ATRX: variants seen among roughly 807,000 people sequenced by gnomAD.
ATRX encodes ATRX chromatin remodeler.
A neutral mutation model predicts 172.6 loss-of-function variants in ATRX; 12 were observed. The ratio of observed to expected loss-of-function variants is 0.07; its 90% confidence interval spans 0.04 to 0.11. The LOEUF is 0.11. Among genes scored for constraint, ATRX ranks in the 10% least tolerant of loss-of-function variants. The probability of loss-of-function intolerance (pLI) is 1.00; values close to 1 mark genes in which losing one functional copy is unlikely to be tolerated. For missense variants in ATRX, 1,368 were observed against 1,767.4 expected (o/e 0.77, Z 4.05); for synonymous variants, 674 against 594.7 (o/e 1.13, Z -1.94).
intron 15 of ATRX, among the ~76,000 whole-genome samples, chrX:77,644,196 C>T (rs1226135773): frequency 1.8e-5 from 2 of 112,581 alleles, no homozygotes; most frequent in Admixed American, 9.4e-5. Flanking sequence ...CCTGCCTTGG[C>T]CTCCCAAAGT....
intron 28 of ATRX, among the ~76,000 whole-genome samples, chrX:77,564,388 A>G (rs1441790912): frequency 1.8e-5 from 2 of 110,265 alleles, no homozygotes; most frequent in South Asian, 7.9e-4. Flanking sequence ...TTTATTTTTA[A>G]AAGCTTGTTT....
At chrX:77,562,775 G>T (rs1414264341) in intron 28 of ATRX, among the ~76,000 whole-genome samples, 1 of 111,731 alleles carries the variant, frequency 9.0e-6, no homozygotes, top group Non-Finnish European at 1.9e-5. Context: ...TTGAACCCAT[G>T]GCCTCAAGTG....
intron 12 of ATRX, among the ~76,000 whole-genome samples, chrX:77,660,362 G>A (rs1180069848): frequency 1.7e-4 from 19 of 110,294 alleles, no homozygotes; most frequent in Admixed American, 1.4e-3. Flanking sequence ...TCAGGAGATC[G>A]AGACCATCCT....
At chrX:77,646,516 C>T (rs1557113741) in intron 15 of ATRX, among the ~76,000 whole-genome samples, 1 of 110,987 alleles carries the variant, frequency 9.0e-6, no homozygotes, top group Non-Finnish European at 1.9e-5. Context: ...TAGGGGAAAA[C>T]TAAAACAAAA....
intron 34 of ATRX, among the ~76,000 whole-genome samples, chrX:77,519,824 G>A (rs2063170039): frequency 1.8e-5 from 2 of 111,478 alleles, no homozygotes; most frequent in South Asian, 3.8e-4. Flanking sequence ...CAAAAGAAAG[G>A]AAATCAGTAT....
intron 27 of ATRX, among the ~76,000 whole-genome samples, chrX:77,577,591 T>TTA (rs1256890795): frequency 2.7e-5 from 3 of 111,289 alleles, no homozygotes; most frequent in Middle Eastern, 4.7e-3. Flanking sequence ...AAATTTTATG[T>TTA]TATATATATA....
At chrX:77,725,742 C>A (rs1463960944) in intron 1 of ATRX, among the ~76,000 whole-genome samples, 2 of 111,947 alleles carry the variant, frequency 1.8e-5, no homozygotes, top group Non-Finnish European at 3.8e-5. Context: ...GGGCTAATAT[C>A]CAGAATCTAC....
At chrX:77,602,110 A>G (rs1198585014) in intron 22 of ATRX, among the ~76,000 whole-genome samples, 3 of 111,863 alleles carry the variant, frequency 2.7e-5, no homozygotes, top group Non-Finnish European at 5.6e-5. Context: ...GGCTCAAGCC[A>G]TCTGCCTGCC....
At chrX:77,778,411 T>C (rs2076432860) in intron 1 of ATRX, among the ~76,000 whole-genome samples, 1 of 100,063 alleles carries the variant, frequency 1.0e-5, no homozygotes, top group African/African-American at 3.7e-5. Flanking sequence ...GAAGTCCCTG[T>C]CTCTTAAAAA....
At chrX:77,523,153 ATAT>A (rs2063284723) in intron 31 of ATRX, 96 bp downstream of exon 31, 1 of 1,065,554 alleles carries the variant, frequency 9.4e-7, no homozygotes, top group Non-Finnish European at 1.3e-6. Flanking sequence ...AAAACCCACT[ATAT>A]TATTATTACC....
At chrX:77,751,322 G>A (rs1161208427) in intron 1 of ATRX, among the ~76,000 whole-genome samples, 2 of 112,502 alleles carry the variant, frequency 1.8e-5, no homozygotes, top group African/African-American at 3.2e-5. Context: ...CCACATAAAT[G>A]TCTTCTTTTG....
chrX:77,671,195 T>TATATAA (rs1465000117), intron 10 of ATRX, among the ~76,000 whole-genome samples: 18 of 74,416 alleles, frequency 2.4e-4, no homozygotes, highest in Non-Finnish European at 2.5e-4. Flanking sequence ...TATATATATA[T>TATATAA]AAAACTAAGG....
At chrX:77,716,806 A>G (rs1185071510) in intron 2 of ATRX, among the ~76,000 whole-genome samples, 1 of 111,948 alleles carries the variant, frequency 8.9e-6, no homozygotes, top group Non-Finnish European at 1.9e-5. Context: ...ACATTCCTAT[A>G]CTACTCCTGC....
intron 2 of ATRX, among the ~76,000 whole-genome samples, chrX:77,706,378 C>CA (rs2072824519): frequency 9.0e-6 from 1 of 110,629 alleles, no homozygotes; most frequent in African/African-American, 3.3e-5. Context: ...TAGAAACCTA[C>CA]AAAAAATGAA....
At chrX:77,722,723 AC>A (rs1356802099) in intron 1 of ATRX, among the ~76,000 whole-genome samples, 1 of 111,847 alleles carries the variant, frequency 8.9e-6, no homozygotes, top group African/African-American at 3.2e-5. Context: ...AGAAATAGGA[AC>A]AATTTTACAC....
intron 30 of ATRX, among the ~76,000 whole-genome samples, chrX:77,534,806 T>C (rs1212577708): frequency 8.9e-6 from 1 of 111,780 alleles, no homozygotes; most frequent in Non-Finnish European, 1.9e-5. Flanking sequence ...GTTTAAAGTA[T>C]TTGGCAAGCT....
chrX:77,782,929 T>C (rs1248649371), intron 1 of ATRX, among the ~76,000 whole-genome samples: 3 of 108,838 alleles, frequency 2.8e-5, no homozygotes, highest in Non-Finnish European at 3.8e-5. Flanking sequence ...GAAGAGCCCT[T>C]GGGCCCTGAA....
At chrX:77,633,157 C>G in intron 19 of ATRX, 50 bp downstream of exon 19, 3 of 1,105,085 alleles carry the variant, frequency 2.7e-6, no homozygotes. Flanking sequence ...AATATAAACA[C>G]ATTTTTTATT....
At chrX:77,662,650 A>G (rs1467331271) in intron 12 of ATRX, among the ~76,000 whole-genome samples, 2 of 111,886 alleles carry the variant, frequency 1.8e-5, no homozygotes, top group African/African-American at 3.2e-5. Flanking sequence ...ACATTTGCTT[A>G]ATATAAGTGG....
Sources: gnomAD v4.1 joint callset for allele counts (sites outside exome capture counted in the v4.1 genomes callset) on GRCh38, gnomAD v4.1.1 for gene constraint, MANE v1.5 for transcripts, NCBI Gene and HGNC (gene_info 2026-07-23, HGNC 2026-07-21) for gene names.